Variants in COL11A1 observed in about 807,000 individuals in gnomAD.
COL11A1 encodes collagen alpha-1(XI) chain.
Under a neutral mutation model 265.2 loss-of-function variants are expected in COL11A1, and 74 were observed. That is an observed-to-expected ratio of 0.28 (90% CI 0.23 to 0.34). COL11A1 has a LOEUF of 0.34. Ranked by LOEUF, COL11A1 falls within the 10% of genes least tolerant of loss-of-function variation. The pLI, the probability that COL11A1 is intolerant of heterozygous loss-of-function variation, is 1.00. For missense variants in COL11A1, 2,165 were observed against 2,263.6 expected, an observed-to-expected ratio of 0.96 and a Z score of 0.88; for synonymous variants, 816 against 727.6, an observed-to-expected ratio of 1.12 and a Z score of -1.96.
At position 102,972,992 on chromosome 1, in the gene COL11A1, C is replaced by CAT. The variant is rs552675071; in HGVS notation, c.2808+1836_2808+1837dup. 1.7e-3 allele frequency among the ~76,000 whole-genome samples: 253 copies of CAT among 151,758 alleles called. 1 individual carries two copies. The highest frequency in any genetic ancestry group is 0.01 in the Middle Eastern group (3 of 290). On this transcript the variant is annotated intron_variant, in intron 36 of 66. Transcript: ENST00000370096. ...TATATATGTCTGTGTGAATATACAT[C>CAT]ATATATATATAAAATTTTTTCCTGC...
At chr1:103,038,482 G>A (rs1384137438) in intron 4 of COL11A1, among the ~76,000 whole-genome samples, 2 of 151,968 alleles carry the variant, frequency 1.3e-5, no homozygotes, top group Non-Finnish European at 2.9e-5. Context: ...AAAAGAGAGA[G>A]AGCGAGAGAG....
chr1:102,906,321 T>C (rs775831051), intron 54 of COL11A1, among the ~76,000 whole-genome samples: 40 of 152,354 alleles, frequency 2.6e-4, no homozygotes, highest in Admixed American at 7.2e-4. Flanking sequence ...TTCTGGTCTC[T>C]ACTTTTCAGT....
At chr1:102,979,514 G>C in intron 31 of COL11A1, 79 bp from the exon 32 acceptor site, 1 of 972,606 alleles carries the variant, frequency 1.0e-6, no homozygotes, top group South Asian at 1.3e-5. Context: ...TTTTGGAACA[G>C]AGTGATTTTC....
At chr1:102,920,180 A>G in intron 49 of COL11A1, 131 bp downstream of exon 49, 1 of 886,604 alleles carries the variant, frequency 1.1e-6, no homozygotes, top group East Asian at 2.5e-5. Context: ...CAACTACTAG[A>G]TGACATGTGA....
chr1:102,957,509 T>C (rs1180728725), intron 41 of COL11A1, among the ~76,000 whole-genome samples: 1 of 152,084 alleles, frequency 6.6e-6, no homozygotes, highest in Admixed American at 6.6e-5. Flanking sequence ...AATTGCATTA[T>C]AGGTGAAAGA....
In COL11A1 at chr1:102,960,334, G is replaced by A. The variant is rs1660774564; in HGVS notation, c.3168+1532C>T. Among the ~76,000 whole-genome samples, 3 of 151,906 alleles carry A rather than the reference G, an allele frequency of 2.0e-5. No individual in the cohort carries two copies. The South Asian group carries it at 6.2e-4, about 32-fold the overall frequency. ...TTAGGTATTCATAATAATTCAAATG[G>A]GTAAGTGTGAGATGATTACTGTGCT... On this transcript the variant is annotated intron_variant, in intron 41 of 66. Transcript: ENST00000370096.
chr1:103,043,217 A>G lies in COL11A1; in HGVS notation c.652-11973T>C, dbSNP rs576498958. On this transcript the variant is annotated intron_variant, in intron 4 of 66. Transcript: ENST00000370096. ...ATGAAATACATCATATATATGAAAT[A>G]TATATATAATGTATATATGAAATAC... Among the ~76,000 whole-genome samples, 5 of 94,274 alleles carry G rather than the reference A, an allele frequency of 5.3e-5. No individual in the cohort carries two copies. The East Asian group carries it at 1.1e-3, about 21-fold the overall frequency. 61.8% of individuals were successfully genotyped at this position (94,274 alleles called of 152,430 possible). A position where few individuals can be genotyped will look rare whatever the true frequency, so the allele number is the denominator to read the frequency against.
Position 102,889,579 on chromosome 1 carries a change from A to G in COL11A1, c.4357-17T>C, listed in dbSNP as rs1411179766. On this transcript the variant is annotated splice_polypyrimidine_tract_variant and intron_variant, in intron 58 of 66. Coordinates refer to ENST00000370096, the MANE Select transcript of COL11A1 (RefSeq NM_001854.4). ...AGGATGTCCCTTTGAAAGGCAGAGA[A>G]AAAAAATAATAACATGTACATTACT... The G allele has an allele frequency of 1.9e-6, 3 of 1,559,292 alleles. No homozygotes were observed. Among genetic ancestry groups the G allele is most frequent in the Admixed American group, 1.7e-5 (1 of 59,816 alleles).
chr1:103,100,448 T>A (rs892217735), intron 1 of COL11A1: 5 of 152,064 alleles, frequency 3.3e-5, no homozygotes, highest in African/African-American at 1.2e-4. Flanking sequence ...CCCCTTTCAA[T>A]CCTCCACTAC....
chr1:102,956,606 C>A (rs1660392986), intron 41 of COL11A1, among the ~76,000 whole-genome samples: 1 of 151,670 alleles, frequency 6.6e-6, no homozygotes, highest in East Asian at 1.9e-4. Flanking sequence ...AAATGCATAC[C>A]AAGACCAAGG....
chr1:103,076,465 T>C (rs1671981997), intron 3 of COL11A1, among the ~76,000 whole-genome samples: 2 of 152,100 alleles, frequency 1.3e-5, no homozygotes, highest in African/African-American at 4.8e-5. Context: ...GGGTCCCCTA[T>C]CCTTCTATGA....
At chr1:102,997,422 C>T (rs1664735599) in intron 25 of COL11A1, among the ~76,000 whole-genome samples, 1 of 151,872 alleles carries the variant, frequency 6.6e-6, no homozygotes, top group East Asian at 1.9e-4. Flanking sequence ...AATTCAACCC[C>T]AGCCTCAATT....
chr1:102,965,894 T>A (rs755045130), intron 37 of COL11A1, among the ~76,000 whole-genome samples: 7 of 152,174 alleles, frequency 4.6e-5, no homozygotes, highest in Non-Finnish European at 8.8e-5. Context: ...TTTGAAACAG[T>A]TTACTGATTG....
At chr1:102,919,284 G>T (rs1655699848) in intron 49 of COL11A1, among the ~76,000 whole-genome samples, 1 of 151,836 alleles carries the variant, frequency 6.6e-6, no homozygotes, top group Non-Finnish European at 1.5e-5. Context: ...ATCAAATAAT[G>T]ATTATAATCA....
chr1:102,932,109 T>C (rs2101172998), intron 46 of COL11A1, among the ~76,000 whole-genome samples: 2 of 151,726 alleles, frequency 1.3e-5, no homozygotes, highest in East Asian at 1.9e-4. Context: ...GTTAATATTG[T>C]TATGTGTGAA....
chr1:102,969,929 G>A (rs994118300), intron 37 of COL11A1, among the ~76,000 whole-genome samples: 1 of 152,124 alleles, frequency 6.6e-6, no homozygotes, highest in East Asian at 1.9e-4. Context: ...AAATCTTGAG[G>A]AGATGTCCAA....
chr1:103,038,408 T>C (rs1045886830), intron 4 of COL11A1, among the ~76,000 whole-genome samples: 5 of 152,060 alleles, frequency 3.3e-5, no homozygotes, highest in Admixed American at 6.6e-5. Context: ...GAGGTTACAG[T>C]GAGCCAAGAT....
At chr1:102,888,528 C>T in intron 62 of COL11A1, 49 bp downstream of exon 62, 1 of 1,544,424 alleles carries the variant, frequency 6.5e-7, no homozygotes, top group African/African-American at 1.4e-5. Context: ...TCATTGGCAG[C>T]TTCCAGATGC....
chr1:103,006,440 G>C, intron 15 of COL11A1, 125 bp from the exon 16 acceptor site: 3 of 404,686 alleles, frequency 7.4e-6, no homozygotes, highest in East Asian at 8.1e-5. Context: ...TCAAACACAA[G>C]AAAATTATTT....
Sources: allele counts gnomAD v4.1 joint callset (sites outside exome capture counted in the v4.1 genomes callset), GRCh38; gene constraint gnomAD v4.1.1; transcripts MANE v1.5; gene names NCBI Gene and HGNC (gene_info 2026-07-23, HGNC 2026-07-21).